Variants in PTGER3 observed in about 807,000 individuals in gnomAD.
The protein encoded by PTGER3 is prostaglandin E2 receptor EP3 subtype.
PTGER3 carries 22 observed loss-of-function variants against 34.7 expected under a neutral mutation model. The ratio of observed to expected loss-of-function variants is 0.63; its 90% CI spans 0.45 to 0.91. The LOEUF is 0.91. Ranked by LOEUF, PTGER3 falls within the 40% of genes least tolerant of loss-of-function variation. The probability of loss-of-function intolerance (pLI) is 0.00; values close to 1 mark genes in which losing one functional copy is unlikely to be tolerated. For missense variants in PTGER3, 468 were observed against 519.4 expected (o/e 0.90, Z 0.96); for synonymous variants, 241 against 230.1 (o/e 1.05, Z -0.43).
chr1:70,917,443 A>G (rs10889900), intron 4 of PTGER3, among the ~76,000 whole-genome samples: 5,262 of 60,924 alleles, frequency 0.086, 142 homozygotes, highest in Middle Eastern at 0.29. Context: ...GTGTGTGTGT[A>G]TACAATCAAT....
intron 3 of PTGER3, among the ~76,000 whole-genome samples, chr1:70,973,495 T>C (rs1653359461): frequency 6.6e-6 from 1 of 152,116 alleles, no homozygotes; most frequent in Non-Finnish European, 1.5e-5. Flanking sequence ...AGGATAAATG[T>C]CTAAAGAAAT....
At chr1:70,947,708 G>GTTACATTGCTGA (rs1557676799), downstream of PTGER3, among the ~76,000 whole-genome samples, 1 of 152,060 alleles carries the variant, frequency 6.6e-6, no homozygotes, top group Non-Finnish European at 1.5e-5. Context: ...TGAGTTTCAG[G>GTTACATTGCTGA]TTACATTGCT....
chr1:71,037,628 T>C (rs544390773), intron 1 of PTGER3, among the ~76,000 whole-genome samples: 1 of 152,338 alleles, frequency 6.6e-6, no homozygotes, highest in South Asian at 2.1e-4. Context: ...GTATGTCCAA[T>C]AGGGACGATT....
intron 4 of PTGER3, among the ~76,000 whole-genome samples, chr1:70,867,307 G>T (rs1361510265): frequency 3.3e-5 from 5 of 152,090 alleles, no homozygotes; most frequent in Non-Finnish European, 5.9e-5. Context: ...CTTTATTATG[G>T]CACTTATCAC....
intron 1 of PTGER3, among the ~76,000 whole-genome samples, chr1:71,044,998 A>C (rs1343225207): frequency 6.6e-6 from 1 of 152,030 alleles, no homozygotes; most frequent in Non-Finnish European, 1.5e-5. Flanking sequence ...CCACCTGTAC[A>C]CTCCATTCCT....
At chr1:70,862,448 A>T (rs749831101) in intron 4 of PTGER3, 4 of 1,164,524 alleles carry the variant, frequency 3.4e-6, no homozygotes, top group Non-Finnish European at 4.8e-6. Context: ...TCCTGCTTTC[A>T]CACTGTTGAA....
chr1:70,954,904 G>T (rs1404301961), intron 2 of PTGER3, among the ~76,000 whole-genome samples: 1 of 151,964 alleles, frequency 6.6e-6, no homozygotes, highest in Non-Finnish European at 1.5e-5. Flanking sequence ...ATTCTATATT[G>T]TCATGTTTTC....
intron 1 of PTGER3, among the ~76,000 whole-genome samples, chr1:71,027,866 A>C (rs1303227740): frequency 2.0e-5 from 3 of 152,116 alleles, no homozygotes; most frequent in African/African-American, 7.2e-5. Flanking sequence ...TAATCTTAAA[A>C]CTCTGCTGTG....
At chr1:70,908,792 A>T (rs1647002511) in intron 4 of PTGER3, among the ~76,000 whole-genome samples, 2 of 152,228 alleles carry the variant, frequency 1.3e-5, no homozygotes, top group South Asian at 4.1e-4. Context: ...TAACAATAGT[A>T]GTAAAACATC....
chr1:70,955,014 C>G (rs998878261), intron 2 of PTGER3, among the ~76,000 whole-genome samples: 3 of 152,110 alleles, frequency 2.0e-5, no homozygotes, highest in African/African-American at 7.2e-5. Flanking sequence ...TTAGTCTCAT[C>G]ATTTCTTTAA....
At chr1:71,024,985 G>A (rs562985194) in intron 1 of PTGER3, among the ~76,000 whole-genome samples, 29 of 151,752 alleles carry the variant, frequency 1.9e-4, no homozygotes, top group African/African-American at 6.8e-4. Context: ...GTATACATGT[G>A]CCATGTTGGT....
Position 70,971,566 on chromosome 1 carries a change from G to A in PTGER3, c.*164C>T, listed in dbSNP as rs1185791406. The A allele has an allele frequency of 7.8e-7, 1 of 1,276,272 alleles. No individual in the cohort carries two copies. The highest frequency in any genetic ancestry group is 1.6e-5 in the African/African-American group (1 of 64,370). The allele number at this position is 1,276,272 out of a possible 1,614,324, so 79.1% of individuals were successfully genotyped here. On this transcript the variant is annotated 3_prime_UTR_variant, in exon 4 of 4. Transcript: ENST00000306666. Reference sequence around the variant, plus strand: ...CAGAGGCATGGATTATAATAATAAAGTTGATCTCCATGGGTATTACTGACA... The same window carrying A: ...CAGAGGCATGGATTATAATAATAAAATTGATCTCCATGGGTATTACTGACA...
chr1:70,927,443 G>A (rs1410207760), intron 4 of PTGER3, among the ~76,000 whole-genome samples: 2 of 152,078 alleles, frequency 1.3e-5, no homozygotes, highest in Non-Finnish European at 2.9e-5. Flanking sequence ...AGATAGAGAA[G>A]ACAGTAAAAA....
At chr1:70,989,768 G>A (rs2100763368) in intron 2 of PTGER3, among the ~76,000 whole-genome samples, 1 of 152,100 alleles carries the variant, frequency 6.6e-6, no homozygotes, top group East Asian at 1.9e-4. Context: ...ATTTCACATA[G>A]CAGCATTTAC....
intron 4 of PTGER3, chr1:70,865,564 C>G: frequency 8.5e-7 from 1 of 1,179,478 alleles, no homozygotes; most frequent in South Asian, 1.4e-5. Flanking sequence ...AATCAGGCCA[C>G]AAAAAGATAG....
At chr1:70,985,930 G>A (rs1285117306) in intron 2 of PTGER3, among the ~76,000 whole-genome samples, 1 of 152,138 alleles carries the variant, frequency 6.6e-6, no homozygotes, top group South Asian at 2.1e-4. Context: ...AATCTACTGG[G>A]CTGCATTCCC....
intron 1 of PTGER3, among the ~76,000 whole-genome samples, chr1:71,032,457 A>T (rs1659492318): frequency 6.6e-6 from 1 of 152,274 alleles, no homozygotes; most frequent in Non-Finnish European, 1.5e-5. Flanking sequence ...TTGTATTATT[A>T]TAAAAGCAAA....
rs139083003 is a variant in PTGER3 at position 70,961,678 on chromosome 1, G to A, written c.1078-7889C>T. On this transcript the variant is annotated intron_variant, in intron 2 of 3. Coordinates refer to the PTGER3 transcript ENST00000356595. ...TCCTCTTAACTTTGAAAGTATTTAC[G>A]TGTGAGTTATGCTCTACAAGTTTTA... 7.2e-4 allele frequency among the ~76,000 whole-genome samples: 110 copies of A among 152,248 alleles called. 1 individual carries two copies. The highest frequency in any genetic ancestry group is 2.3e-3 in the African/African-American group (94 of 41,532).
intron 4 of PTGER3, among the ~76,000 whole-genome samples, chr1:70,931,488 G>T (rs188310857): frequency 1.3e-5 from 2 of 152,320 alleles, no homozygotes; most frequent in East Asian, 3.9e-4. Flanking sequence ...CTCCATGAGG[G>T]TCCTGCCCCT....
Sources: allele counts gnomAD v4.1 joint callset (sites outside exome capture counted in the v4.1 genomes callset), GRCh38; gene constraint gnomAD v4.1.1; transcripts MANE v1.5; gene names NCBI Gene and HGNC (gene_info 2026-07-23, HGNC 2026-07-21).